The following RAD51B variants were observed in gnomAD, a reference collection of about 807,000 sequenced individuals.
The protein encoded by RAD51B is RAD51 paralog B.
A neutral mutation model predicts 42.2 loss-of-function variants in RAD51B; 38 were observed. The observed-to-expected ratio is 0.90, with a 90% CI of 0.70 to 1.18. The LOEUF is 1.18. RAD51B is among the 50% of genes most tolerant of loss of function. The probability of loss-of-function intolerance (pLI) is 0.00; values close to 1 mark genes in which losing one functional copy is unlikely to be tolerated. For synonymous variants in RAD51B, 154 were observed against 145.2 expected (o/e 1.06, Z -0.43); for missense variants, 373 against 400.7 (o/e 0.93, Z 0.59).
chr14:68,516,167 A>G (rs1886139723), intron 10 of RAD51B, among the ~76,000 whole-genome samples: 1 of 152,194 alleles, frequency 6.6e-6, no homozygotes, highest in Admixed American at 6.5e-5. Context: ...ATACTTTGCT[A>G]TACAGCAATA....
chr14:68,607,631 G>A (rs911648982), intron 10 of RAD51B, among the ~76,000 whole-genome samples: 1 of 149,510 alleles, frequency 6.7e-6, no homozygotes, highest in Non-Finnish European at 1.5e-5. Context: ...TTTGCTCCTG[G>A]ATTTATTGCA....
At chr14:68,210,241 G>A (rs1483366155) in intron 7 of RAD51B, among the ~76,000 whole-genome samples, 1 of 152,138 alleles carries the variant, frequency 6.6e-6, no homozygotes, top group East Asian at 1.9e-4. Context: ...TTACAGGTGT[G>A]AGCCACCGCA....
Position 68,345,385 on chromosome 14 carries a change from G to A in RAD51B, c.853+53405G>A, listed in dbSNP as rs34258113. ...GGTGGAAGGTGTTCTGATTATGGGG[G>A]CAGATCCTTCATGAATGGCTTAGTC... On this transcript the variant is annotated intron_variant, in intron 8 of 10. Transcript: ENST00000471583. Among the ~76,000 whole-genome samples the A allele has an allele frequency of 2.5e-3, 384 of 152,266 alleles. 1 individual carries two copies. Among genetic ancestry groups the A allele is most frequent in the Middle Eastern group, 0.014 (4 of 294 alleles).
At chr14:67,910,371 A>G (rs1226057349) in intron 7 of RAD51B, among the ~76,000 whole-genome samples, 1 of 68,180 alleles carries the variant, frequency 1.5e-5, no homozygotes, top group East Asian at 3.5e-4. Flanking sequence ...GCGCCACTGC[A>G]CTCCAGCCTG....
chr14:67,826,576 C>G (rs1292476063), intron 3 of RAD51B, among the ~76,000 whole-genome samples: 1 of 152,056 alleles, frequency 6.6e-6, no homozygotes, highest in East Asian at 1.9e-4. Context: ...TTACTGAACA[C>G]TGAACAATGA....
chr14:67,873,923 C>A (rs1265360170), intron 5 of RAD51B, among the ~76,000 whole-genome samples: 1 of 136,008 alleles, frequency 7.4e-6, no homozygotes, highest in African/African-American at 2.8e-5. Context: ...GAACATCACA[C>A]TCTGGGGACT....
chr14:68,109,015 C>G (rs555502369), intron 7 of RAD51B, among the ~76,000 whole-genome samples: 1 of 151,872 alleles, frequency 6.6e-6, no homozygotes, highest in African/African-American at 2.4e-5. Flanking sequence ...AAAACTGATA[C>G]AGAGCAATAT....
chr14:68,277,775 G>A (rs771659025), intron 7 of RAD51B, among the ~76,000 whole-genome samples: 1 of 152,084 alleles, frequency 6.6e-6, no homozygotes, highest in African/African-American at 2.4e-5. Context: ...GTCTCGCTTT[G>A]TCATCCAGGC....
At chr14:68,313,556 C>T (rs2082001313) in intron 8 of RAD51B, among the ~76,000 whole-genome samples, 1 of 152,196 alleles carries the variant, frequency 6.6e-6, no homozygotes, top group South Asian at 2.1e-4. Flanking sequence ...ACTTCCAGCC[C>T]CAGCAACAGT....
intron 1 of RAD51B, among the ~76,000 whole-genome samples, chr14:67,822,860 A>G (rs2140272815): frequency 6.6e-6 from 1 of 152,314 alleles, no homozygotes; most frequent in East Asian, 1.9e-4. Flanking sequence ...CTTGCAGTAG[A>G]GTGTAATGGT....
At chr14:68,413,071 A>G (rs1320040487) in intron 9 of RAD51B, among the ~76,000 whole-genome samples, 3 of 152,216 alleles carry the variant, frequency 2.0e-5, no homozygotes, top group Non-Finnish European at 4.4e-5. Context: ...CATCTATTAT[A>G]TATGGTATCA....
At chr14:68,235,120 T>C (rs1213646144) in intron 7 of RAD51B, among the ~76,000 whole-genome samples, 1 of 152,132 alleles carries the variant, frequency 6.6e-6, no homozygotes, top group Non-Finnish European at 1.5e-5. Flanking sequence ...TTTATTATCA[T>C]TATCAAGTAT....
At chr14:68,051,899 T>C (rs2076399816) in intron 7 of RAD51B, among the ~76,000 whole-genome samples, 1 of 149,024 alleles carries the variant, frequency 6.7e-6, no homozygotes, top group Non-Finnish European at 1.5e-5. Flanking sequence ...TGTGTGTGTG[T>C]AAAATGCAGT....
intron 10 of RAD51B, among the ~76,000 whole-genome samples, chr14:68,628,134 T>G (rs145157255): frequency 6.6e-6 from 1 of 152,260 alleles, no homozygotes; most frequent in African/African-American, 2.4e-5. Context: ...GTCTTGGTTT[T>G]TACATGACCC....
chr14:67,911,307 G>C (rs931278908), intron 7 of RAD51B, among the ~76,000 whole-genome samples: 7 of 152,148 alleles, frequency 4.6e-5, no homozygotes, highest in Non-Finnish European at 1.0e-4. Context: ...TTGGAAATGA[G>C]GAATTTTAGA....
chr14:68,032,116 G>A (rs545450259), intron 7 of RAD51B, among the ~76,000 whole-genome samples: 7 of 152,262 alleles, frequency 4.6e-5, no homozygotes, highest in Admixed American at 3.9e-4. Flanking sequence ...CAGTTTTCTT[G>A]TGTGTTGAAG....
chr14:68,517,374 T>C (rs1191821343), intron 10 of RAD51B, among the ~76,000 whole-genome samples: 1 of 152,238 alleles, frequency 6.6e-6, no homozygotes, highest in Non-Finnish European at 1.5e-5. Flanking sequence ...GAAACTGGCA[T>C]TTATTCCCCC....
intron 9 of RAD51B, among the ~76,000 whole-genome samples, chr14:68,426,242 A>ATTT (rs55840994): frequency 0.087 from 11,774 of 135,124 alleles, 674 homozygotes; most frequent in African/African-American, 0.17. Flanking sequence ...CTAATTTTGT[A>ATTT]TTTTTTTTTT....
intron 9 of RAD51B, among the ~76,000 whole-genome samples, chr14:68,430,302 T>G (rs9743886): frequency 0.17 from 25,998 of 151,946 alleles, 4,642 homozygotes; most frequent in African/African-American, 0.46. Context: ...TCGGTAGCTT[T>G]ATGGGGATGG....
Sources: allele counts gnomAD v4.1 joint callset (sites outside exome capture counted in the v4.1 genomes callset), GRCh38; gene constraint gnomAD v4.1.1; transcripts MANE v1.5; gene names NCBI Gene and HGNC (gene_info 2026-07-23, HGNC 2026-07-21).